FARP1: variants seen among roughly 807,000 people sequenced by gnomAD.
FARP1 encodes FERM, ARH/RhoGEF and pleckstrin domain protein 1.
A neutral mutation model predicts 128.8 loss-of-function variants in FARP1; 52 were observed. The observed-to-expected ratio is 0.40, with a 90% CI of 0.32 to 0.51. The LOEUF (loss-of-function observed/expected upper bound fraction) is 0.51. Among genes scored for constraint, FARP1 ranks in the 20% least tolerant of loss-of-function variants. The probability of loss-of-function intolerance (pLI) is 0.45; values close to 1 mark genes in which losing one functional copy is unlikely to be tolerated. For missense variants in FARP1, 1,333 were observed against 1,367.9 expected (o/e 0.97, Z 0.40); for synonymous variants, 580 against 551.8 (o/e 1.05, Z -0.72).
chr13:98,410,747 A>C lies in FARP1; in HGVS notation c.1616A>C (p.Asp539Ala), dbSNP rs772244189. ...TGGGTTTTGCAGAGATTCCCAACTG[A>C]TAAAGCGTACTTCATAGCTAAGGAA... ...DEGRRKRFPT[D>A]KAYFIAKEVS... The change falls in exon 15 of 27, where the codon GAT becomes GCT. Residue 539 changes from aspartate (D) to alanine (A), a missense_variant. Coordinates refer to ENST00000319562, the MANE Select transcript of FARP1 (RefSeq NM_005766.4). The C allele has an allele frequency of 6.3e-7, 1 of 1,598,952 alleles. No individual in the cohort carries two copies. The highest frequency in any genetic ancestry group is 1.1e-5 in the South Asian group (1 of 89,616).
intron 6 of FARP1, among the ~76,000 whole-genome samples, chr13:98,379,534 T>A (rs1306977188): frequency 6.6e-6 from 1 of 151,982 alleles, no homozygotes; most frequent in Non-Finnish European, 1.5e-5. Flanking sequence ...AGAATCCTTT[T>A]CATAAGGCTG....
At chr13:98,210,618 T>G (rs1431892640) in intron 1 of FARP1, among the ~76,000 whole-genome samples, 1 of 151,946 alleles carries the variant, frequency 6.6e-6, no homozygotes, top group Non-Finnish European at 1.5e-5. Flanking sequence ...GGCGCGATCT[T>G]GGCTCACTGC....
At chr13:98,187,086 C>T (rs1361756632) in intron 1 of FARP1, among the ~76,000 whole-genome samples, 1 of 150,650 alleles carries the variant, frequency 6.6e-6, no homozygotes, top group Non-Finnish European at 1.5e-5. Flanking sequence ...AGTTTATACC[C>T]AGAAGTGGAA....
intron 1 of FARP1, among the ~76,000 whole-genome samples, chr13:98,147,417 A>G (rs1034237660): frequency 2.0e-5 from 3 of 152,134 alleles, no homozygotes; most frequent in Non-Finnish European, 2.9e-5. Context: ...TAAAACTGTC[A>G]TATTTGTTCA....
chr13:98,395,261 G>T lies in FARP1; in HGVS notation c.1199G>T (p.Gly400Val), dbSNP rs374346994. The T allele has an allele frequency of 6.2e-7, 1 of 1,605,408 alleles. No homozygotes were observed. Among genetic ancestry groups the T allele is most frequent in the Middle Eastern group, 1.7e-4 (1 of 6,040 alleles). ...QQSTSLTFGE[G>V]AESPGGQSCR... The stretch of plus-strand genomic sequence containing the variant: ...AGCACCAGCCTTACATTTGGAGAAG[G>T]TGCCGAATCTCCAGGGGGCCAGAGC... The change falls in exon 13 of 27, where the codon GGT (glycine) becomes GTT (valine). Residue 400 changes from glycine to valine, a missense_variant. Gly to Val is a moderately radical substitution (Grantham distance 109). Transcript: ENST00000319562.
intron 5 of FARP1, among the ~76,000 whole-genome samples, chr13:98,373,972 A>G (rs767724768): frequency 1.2e-4 from 18 of 152,240 alleles, no homozygotes; most frequent in Non-Finnish European, 2.5e-4. Context: ...TAAGACTAAG[A>G]AAGTAGAAAC....
At chr13:98,148,346 C>G (rs1292906363) in intron 1 of FARP1, among the ~76,000 whole-genome samples, 1 of 152,214 alleles carries the variant, frequency 6.6e-6, no homozygotes, top group East Asian at 1.9e-4. Context: ...CCATTGTACT[C>G]CAGCCTGGGC....
intron 1 of FARP1, among the ~76,000 whole-genome samples, chr13:98,171,129 GGTACAGTAA>G (rs1192222746): frequency 6.6e-6 from 1 of 152,184 alleles, no homozygotes; most frequent in Non-Finnish European, 1.5e-5. Flanking sequence ...GAGGTTTCCT[GGTACAGTAA>G]GTAGACTGAT....
chr13:98,447,136 G>A, intron 26 of FARP1: 1 of 281,514 alleles, frequency 3.6e-6, no homozygotes, highest in Non-Finnish European at 6.7e-6. Context: ...GTAATGGCAG[G>A]GACTGCAGAC....
At chr13:98,421,637 C>T (rs1201897454) in intron 16 of FARP1, among the ~76,000 whole-genome samples, 3 of 152,140 alleles carry the variant, frequency 2.0e-5, no homozygotes, top group Non-Finnish European at 2.9e-5. Flanking sequence ...GCAGATGGAT[C>T]GCTTGAGTCC....
chr13:98,149,798 C>T (rs1481163734), intron 1 of FARP1, among the ~76,000 whole-genome samples: 6 of 127,682 alleles, frequency 4.7e-5, no homozygotes, highest in Admixed American at 1.9e-4. Context: ...AGTGCAGTGG[C>T]GCAATCTTGG....
Position 98,203,231 on chromosome 13 carries a change from T to A in FARP1, c.-23-9989T>A, listed in dbSNP as rs551711158. ...AGGAATATTCACGGACACATAGACA[T>A]TTTTAGATTTATGGAGGTGTAATCA... On this transcript the variant is annotated intron_variant, in intron 1 of 26. Transcript: ENST00000319562. Among the ~76,000 whole-genome samples, 125 of 152,294 alleles carry A rather than the reference T, an allele frequency of 8.2e-4. 1 individual carries two copies. The highest frequency in any genetic ancestry group is 3.4e-3 in the Middle Eastern group (1 of 294).
intron 2 of FARP1, among the ~76,000 whole-genome samples, chr13:98,275,735 G>A (rs921816744): frequency 3.6e-4 from 54 of 151,804 alleles, no homozygotes; most frequent in Non-Finnish European, 2.1e-4. Flanking sequence ...GACATTGGTG[G>A]CTAAGCAATT....
intron 3 of FARP1, among the ~76,000 whole-genome samples, chr13:98,348,544 C>A (rs1888274679): frequency 6.6e-6 from 1 of 152,220 alleles, no homozygotes; most frequent in African/African-American, 2.4e-5. Context: ...AGGCTGAGGC[C>A]TCATGGAGAA....
intron 2 of FARP1, among the ~76,000 whole-genome samples, chr13:98,271,829 A>G (rs1884405248): frequency 6.6e-6 from 1 of 152,124 alleles, no homozygotes; most frequent in Non-Finnish European, 1.5e-5. Context: ...TAGACTGTAT[A>G]TCAGTATATC....
chr13:98,179,332 C>T (rs1212804731), intron 1 of FARP1, among the ~76,000 whole-genome samples: 1 of 152,180 alleles, frequency 6.6e-6, no homozygotes, highest in Admixed American at 6.5e-5. Context: ...ATTCAGTTAT[C>T]TCTGGTAACT....
chr13:98,153,023 A>G (rs1201998651), intron 1 of FARP1, among the ~76,000 whole-genome samples: 5 of 151,976 alleles, frequency 3.3e-5, no homozygotes, highest in Admixed American at 2.0e-4. Flanking sequence ...CTAGAATATC[A>G]TCTATCTGCA....
At chr13:98,352,616 G>T (rs1193929754) in intron 3 of FARP1, among the ~76,000 whole-genome samples, 1 of 152,198 alleles carries the variant, frequency 6.6e-6, no homozygotes, top group African/African-American at 2.4e-5. Context: ...AACAGGTTAG[G>T]AAACAATTTT....
At chr13:98,384,919 C>G (rs572133189) in intron 7 of FARP1, 75 bp downstream of exon 7, 1 of 830,366 alleles carries the variant, frequency 1.2e-6, no homozygotes, top group East Asian at 2.4e-5. Flanking sequence ...GTGTACATCC[C>G]TCCACCCCCC....
Sources: allele counts gnomAD v4.1 joint callset (sites outside exome capture counted in the v4.1 genomes callset), GRCh38; gene constraint gnomAD v4.1.1; transcripts MANE v1.5; gene names NCBI Gene and HGNC (gene_info 2026-07-23, HGNC 2026-07-21).